SPATA13: variants seen among roughly 807,000 people sequenced by gnomAD.
SPATA13 encodes spermatogenesis associated 13, also known as spermatogenesis-associated protein 13.
In SPATA13, 50 loss-of-function variants were observed where a neutral mutation model predicts 104.0. The observed-to-expected ratio is 0.48, with a 90% CI of 0.38 to 0.61. The LOEUF (loss-of-function observed/expected upper bound fraction) is 0.61. Among genes scored for constraint, SPATA13 ranks in the 20% least tolerant of loss-of-function variants. SPATA13 has a pLI of 0.00. For synonymous variants in SPATA13, 606 were observed against 667.5 expected (o/e 0.91, Z 1.42); for missense variants, 1,524 against 1,690.6 (o/e 0.90, Z 1.73).
intron 2 of SPATA13, among the ~76,000 whole-genome samples, chr13:23,993,986 C>CT (rs60416353): frequency 1.6e-4 from 20 of 121,962 alleles, no homozygotes; most frequent in South Asian, 5.4e-4. Flanking sequence ...TTTTTTTTTT[C>CT]TTTTTTTTTT....
chr13:24,222,935 C>G lies in SPATA13; in HGVS notation c.6C>G (p.Thr2=), dbSNP rs752669841. 6.4e-7 allele frequency: 1 copy of G among 1,551,056 alleles called. No individual in the cohort carries two copies. Among genetic ancestry groups the G allele is most frequent in the Non-Finnish European group, 8.7e-7 (1 of 1,146,690 alleles). The change falls in exon 2 of 13, where the codon ACC becomes ACG. Residue 2 remains threonine, a synonymous_variant. Transcript: ENST00000382108. ...ACTCGGCAGTGCCCGTGGCCATGACCCAGGCTGCCGTGCGGCCCTGGGCAC... is the reference window on the plus strand; with the variant it reads ...ACTCGGCAGTGCCCGTGGCCATGACGCAGGCTGCCGTGCGGCCCTGGGCAC... M[T]QAAVRPWAPC...
At chr13:24,277,182 C>A (rs892010670) in intron 4 of SPATA13, among the ~76,000 whole-genome samples, 2 of 152,156 alleles carry the variant, frequency 1.3e-5, no homozygotes, top group Non-Finnish European at 2.9e-5. Context: ...CGGTGGCTTA[C>A]GCCTGTAATC....
intron 3 of SPATA13, among the ~76,000 whole-genome samples, chr13:24,048,383 T>A (rs1878219952): frequency 6.6e-6 from 1 of 152,048 alleles, no homozygotes; most frequent in African/African-American, 2.4e-5. Flanking sequence ...CTAATAAAAA[T>A]ATATAAACAG....
At chr13:24,010,945 G>T (rs1007228194) in intron 2 of SPATA13, among the ~76,000 whole-genome samples, 1 of 151,632 alleles carries the variant, frequency 6.6e-6, no homozygotes. Flanking sequence ...GGTGACTGAG[G>T]TCCCAGGGGA....
intron 3 of SPATA13, among the ~76,000 whole-genome samples, chr13:24,103,158 T>C (rs1880311736): frequency 6.6e-6 from 1 of 152,190 alleles, no homozygotes; most frequent in Non-Finnish European, 1.5e-5. Flanking sequence ...TTAAAAATAG[T>C]TCTGAATACG....
intron 3 of SPATA13, among the ~76,000 whole-genome samples, chr13:24,109,781 T>C (rs1233080758): frequency 3.3e-5 from 5 of 152,104 alleles, no homozygotes; most frequent in Non-Finnish European, 7.4e-5. Flanking sequence ...TAGGAGGTTG[T>C]TTGTACATTT....
intron 2 of SPATA13, among the ~76,000 whole-genome samples, chr13:24,000,624 C>T (rs1875916218): frequency 1.3e-5 from 2 of 152,234 alleles, no homozygotes; most frequent in African/African-American, 2.4e-5. Flanking sequence ...AAGAAGGATT[C>T]TCAGGAAAGG....
chr13:24,147,985 C>G (rs891320052), intron 3 of SPATA13, among the ~76,000 whole-genome samples: 2 of 152,142 alleles, frequency 1.3e-5, no homozygotes, highest in Non-Finnish European at 2.9e-5. Context: ...TTTTTTTAAT[C>G]CATTCATCCA....
At chr13:24,187,831 T>C (rs983001982) in intron 1 of SPATA13, among the ~76,000 whole-genome samples, 1 of 152,150 alleles carries the variant, frequency 6.6e-6, no homozygotes, top group Admixed American at 6.5e-5. Context: ...GACAGAACAA[T>C]ATTGAAAGTA....
intron 3 of SPATA13, among the ~76,000 whole-genome samples, chr13:24,148,710 A>G (rs1331316603): frequency 3.3e-5 from 5 of 152,218 alleles, no homozygotes; most frequent in South Asian, 2.1e-4. Flanking sequence ...AACTGTTGGC[A>G]TTGTACACAA....
intron 3 of SPATA13, among the ~76,000 whole-genome samples, chr13:24,040,159 A>C (rs1877863059): frequency 6.6e-6 from 1 of 152,242 alleles, no homozygotes. Flanking sequence ...TGGGTGGCCA[A>C]ACCAAATGGC....
At chr13:24,183,531 C>T (rs1208088266) in intron 1 of SPATA13, among the ~76,000 whole-genome samples, 1 of 152,204 alleles carries the variant, frequency 6.6e-6, no homozygotes, top group Non-Finnish European at 1.5e-5. Context: ...GGGCCACATG[C>T]AGCCCAAGAT....
At position 24,223,305 on chromosome 13, in the gene SPATA13, CA is replaced by C. The variant is rs1211394437; in HGVS notation, c.377del (p.Gln126ArgfsTer39). The C allele has an allele frequency of 5.8e-6, 9 of 1,551,482 alleles. No individual in the cohort carries two copies. ...GAAGTCCTCAGTCCTGAAAGGAATT[CA>C]GAGCCGAGAGGGGTCAAATGCCTGT... Reference protein sequence around the residue: ...KLKSSVLKGIQSREGSNACSK... With the variant: ...KLKSSVLKGIXSREGSNACSK... On this transcript the variant is annotated frameshift_variant, in exon 2 of 13. Transcript: ENST00000382108. LOFTEE classifies it high-confidence loss of function.
At position 24,249,529 on chromosome 13, in the gene SPATA13, C is replaced by G. The variant is rs763882362; in HGVS notation, c.1706C>G (p.Thr569Arg). 6.2e-7 allele frequency: 1 copy of G among 1,609,074 alleles called. No individual in the cohort carries two copies. The highest frequency in any genetic ancestry group is 1.1e-5 in the South Asian group (1 of 90,632). ...RRSSSQDEER[T>R]EAQRTPKRRW... ...AGCTCATCACAGGATGAGGAAAGGA[C>G]AGAGGCACAGAGAACCCCCAAGAGG... The change falls in exon 3 of 13, where the codon ACA becomes AGA. Residue 569 changes from threonine (T) to arginine (R), a missense_variant. Physicochemically the swap from Thr to Arg is moderately conservative, Grantham distance 71. Transcript: ENST00000382108.
chr13:24,255,798 A>C (rs541021206), intron 4 of SPATA13, among the ~76,000 whole-genome samples: 1 of 152,352 alleles, frequency 6.6e-6, no homozygotes, highest in East Asian at 1.9e-4. Context: ...ATACCAACGA[A>C]GTGCTAGAAT....
At chr13:23,994,593 G>A (rs1875586355) in intron 2 of SPATA13, among the ~76,000 whole-genome samples, 1 of 152,194 alleles carries the variant, frequency 6.6e-6, no homozygotes, top group Non-Finnish European at 1.5e-5. Flanking sequence ...TCCACAACTA[G>A]GAGCCTGTCT....
intron 1 of SPATA13, among the ~76,000 whole-genome samples, chr13:24,173,182 A>T (rs866815961): frequency 2.2e-4 from 34 of 152,140 alleles, no homozygotes; most frequent in African/African-American, 1.4e-4. Context: ...GGTTCAAGCG[A>T]TTCTCCTGCC....
chr13:24,255,529 T>C (rs1445668730), intron 4 of SPATA13, among the ~76,000 whole-genome samples: 1 of 152,124 alleles, frequency 6.6e-6, no homozygotes, highest in African/African-American at 2.4e-5. Flanking sequence ...CCCTGCTGTG[T>C]GGTATAGTAA....
At chr13:24,299,304 C>T (rs1280391713) in intron 11 of SPATA13, among the ~76,000 whole-genome samples, 1 of 152,184 alleles carries the variant, frequency 6.6e-6, no homozygotes, top group Non-Finnish European at 1.5e-5. Context: ...ATGTAATGCT[C>T]CCTGTGGCCA....
Sources: allele counts gnomAD v4.1 joint callset (sites outside exome capture counted in the v4.1 genomes callset), GRCh38; gene constraint gnomAD v4.1.1; transcripts MANE v1.5; gene names NCBI Gene and HGNC (gene_info 2026-07-23, HGNC 2026-07-21).